Variants in LANCL3 observed in about 807,000 individuals in gnomAD.
The protein encoded by LANCL3 is lanC-like protein 3.
Under a neutral mutation model 26.5 loss-of-function variants are expected in LANCL3, and 19 were observed. That is an observed-to-expected ratio of 0.72 (90% CI 0.50 to 1.05). LANCL3 has a LOEUF of 1.05. LANCL3 is among the 50% of genes least tolerant of loss of function. The pLI is 0.00. For synonymous variants in LANCL3, 160 were observed against 166.6 expected (o/e 0.96, Z 0.30); for missense variants, 318 against 362.7 (o/e 0.88, Z 1.00).
rs200669117 is a variant in LANCL3 at position 37,666,910 on chromosome X, C to T, written c.896-372C>T. Among the ~76,000 whole-genome samples the T allele has an allele frequency of 1.5e-4, 17 of 112,366 alleles. No homozygotes were observed. In the East Asian group the frequency reaches 2.8e-3, roughly 18 times the overall value. ...AATAACCAAATATACATAATGCTTA[C>T]TAGAGTATGCGTCATTAAATATTAA... On this transcript the variant is annotated intron_variant, in intron 3 of 4. Transcript: ENST00000378619.
rs140111729 is a variant in LANCL3 at position 37,668,755 on chromosome X, T to G, written c.1103+1266T>G. The stretch of plus-strand genomic sequence containing the variant: ...AGTAGCCCCTGTACTGTTGTGAAGA[T>G]TCCCACTGAAAGTGTACAGCTGATA... On this transcript the variant is annotated intron_variant, in intron 4 of 4. Transcript: ENST00000378619. 1.7e-3 allele frequency among the ~76,000 whole-genome samples: 187 copies of G among 111,912 alleles called. 1 individual carries two copies. Among genetic ancestry groups the G allele is most frequent in the African/African-American group, 5.4e-3 (168 of 30,839 alleles).
intron 3 of LANCL3, among the ~76,000 whole-genome samples, chrX:37,665,701 A>G (rs1363529861): frequency 8.9e-6 from 1 of 112,082 alleles, no homozygotes; most frequent in East Asian, 2.8e-4. Context: ...TGGGAGGCCC[A>G]TAGCAAAATG....
At chrX:37,582,553 A>G (rs1923928816) in intron 1 of LANCL3, among the ~76,000 whole-genome samples, 1 of 111,854 alleles carries the variant, frequency 8.9e-6, no homozygotes. Context: ...GCATTTTTTC[A>G]TGTGTCTTTT....
chrX:37,638,493 A>G (rs1261147237), intron 1 of LANCL3, among the ~76,000 whole-genome samples: 2 of 111,667 alleles, frequency 1.8e-5, no homozygotes, highest in Non-Finnish European at 3.8e-5. Context: ...CAGGATACCT[A>G]GTAAAGTTGT....
At chrX:37,576,569 G>A (rs782733651) in intron 1 of LANCL3, among the ~76,000 whole-genome samples, 72 of 111,599 alleles carry the variant, frequency 6.5e-4, no homozygotes, top group Non-Finnish European at 2.1e-4. Context: ...GAGCTTCTTC[G>A]TTGACTTGTT....
intron 1 of LANCL3, among the ~76,000 whole-genome samples, chrX:37,579,961 T>C (rs1418489440): frequency 8.9e-6 from 1 of 111,806 alleles, no homozygotes; most frequent in African/African-American, 3.3e-5. Context: ...AACTGACGAG[T>C]ATAAAATTAG....
intron 1 of LANCL3, among the ~76,000 whole-genome samples, chrX:37,616,122 C>T (rs1192758135): frequency 7.2e-5 from 8 of 110,990 alleles, no homozygotes; most frequent in African/African-American, 2.3e-4. Context: ...CATCAGAGAT[C>T]AAAACAAGAA....
chrX:37,665,772 T>C (rs1926531428), intron 3 of LANCL3, among the ~76,000 whole-genome samples: 1 of 111,760 alleles, frequency 8.9e-6, no homozygotes, highest in African/African-American at 3.3e-5. Flanking sequence ...AGCAGAGCAT[T>C]AAACTCAACA....
At position 37,599,089 on chromosome X, in the gene LANCL3, C is replaced by T. The variant is rs1340305202; in HGVS notation, c.573+26646C>T. On this transcript the variant is annotated intron_variant, in intron 1 of 4. Transcript: ENST00000378619. The stretch of plus-strand genomic sequence containing the variant: ...CTAGTGCTACTCAAAGTATGGCTTG[C>T]AGGTCAGTGCCATTCTGCAAATTTG... Among the ~76,000 whole-genome samples, 2 of 112,032 alleles carry T rather than the reference C, an allele frequency of 1.8e-5. 1 individual carries two copies. The highest frequency in any genetic ancestry group is 5.5e-4 in the East Asian group (2 of 3,605).
chrX:37,573,562 G>C (rs1370162638), intron 1 of LANCL3, among the ~76,000 whole-genome samples: 3 of 111,574 alleles, frequency 2.7e-5, no homozygotes, highest in Non-Finnish European at 5.7e-5. Context: ...GGGCAGCAAA[G>C]GTTTATGTCA....
At chrX:37,593,113 C>A (rs1243809361) in intron 1 of LANCL3, among the ~76,000 whole-genome samples, 2 of 111,443 alleles carry the variant, frequency 1.8e-5, no homozygotes, top group Admixed American at 9.5e-5. Context: ...CAAAAAGATA[C>A]CCTTTTTGTA....
At chrX:37,630,558 G>A (rs1925464945) in intron 1 of LANCL3, among the ~76,000 whole-genome samples, 1 of 107,864 alleles carries the variant, frequency 9.3e-6, no homozygotes, top group African/African-American at 3.4e-5. Flanking sequence ...TCCAGTTTTT[G>A]CCCATTCAGT....
At chrX:37,643,490 C>T (rs1372549826) in intron 1 of LANCL3, among the ~76,000 whole-genome samples, 2 of 111,887 alleles carry the variant, frequency 1.8e-5, no homozygotes, top group Non-Finnish European at 3.8e-5. Context: ...AACTGAGGTC[C>T]AGAGAAGTTG....
chrX:37,579,628 C>A (rs185198320), intron 1 of LANCL3, among the ~76,000 whole-genome samples: 11 of 111,744 alleles, frequency 9.8e-5, no homozygotes, highest in African/African-American at 3.3e-4. Flanking sequence ...CTGCTGGTAA[C>A]TGAAACCACA....
At chrX:37,584,548 A>C (rs1924004574) in intron 1 of LANCL3, among the ~76,000 whole-genome samples, 1 of 110,780 alleles carries the variant, frequency 9.0e-6, no homozygotes, top group African/African-American at 3.3e-5. Flanking sequence ...TATTGTTGGG[A>C]GGGTGTATGT....
chrX:37,638,206 G>A (rs1925759176), intron 1 of LANCL3, among the ~76,000 whole-genome samples: 1 of 111,215 alleles, frequency 9.0e-6, no homozygotes, highest in African/African-American at 3.3e-5. Flanking sequence ...AGGATTTCTG[G>A]GTCCAAGCAT....
chrX:37,585,742 CTG>C (rs1196650355), intron 1 of LANCL3, among the ~76,000 whole-genome samples: 2 of 111,626 alleles, frequency 1.8e-5, no homozygotes, highest in East Asian at 5.6e-4. Context: ...GGTCTTGACT[CTG>C]TATCCAATTT....
At chrX:37,619,229 A>G (rs1328127521) in intron 1 of LANCL3, among the ~76,000 whole-genome samples, 1 of 112,050 alleles carries the variant, frequency 8.9e-6, no homozygotes, top group Non-Finnish European at 1.9e-5. Flanking sequence ...AAAAATTATC[A>G]CAATTATTAC....
At chrX:37,604,344 A>G (rs1245745655) in intron 1 of LANCL3, among the ~76,000 whole-genome samples, 2 of 112,285 alleles carry the variant, frequency 1.8e-5, no homozygotes, top group Admixed American at 9.5e-5. Context: ...GAGGTTCTGC[A>G]GTGGTTTTAG....
Sources: gnomAD v4.1 joint callset for allele counts (sites outside exome capture counted in the v4.1 genomes callset) on GRCh38, gnomAD v4.1.1 for gene constraint, MANE v1.5 for transcripts, NCBI Gene and HGNC (gene_info 2026-07-23, HGNC 2026-07-21) for gene names.